ZFHX4: variants seen among roughly 807,000 people sequenced by gnomAD.
ZFHX4 encodes zinc finger homeobox 4.
A neutral mutation model predicts 267.6 loss-of-function variants in ZFHX4; 56 were observed. The observed-to-expected ratio is 0.21, with a 90% CI of 0.17 to 0.26. ZFHX4 has a LOEUF of 0.26. ZFHX4 is among the 10% of genes least tolerant of loss of function. ZFHX4 has a pLI of 1.00. For synonymous variants in ZFHX4, 1,778 were observed against 1,665.6 expected (o/e 1.07, Z -1.64); for missense variants, 4,332 against 4,420.0 (o/e 0.98, Z 0.56).
chr8:76,797,905 T>TGG (rs1811021521), intron 4 of ZFHX4, among the ~76,000 whole-genome samples: 2 of 151,822 alleles, frequency 1.3e-5, no homozygotes, highest in African/African-American at 4.8e-5. Context: ...TGTGTGTGTG[T>TGG]GTGTGTGTGT....
intron 6 of ZFHX4, among the ~76,000 whole-genome samples, chr8:76,844,053 A>T (rs1812304378): frequency 6.6e-6 from 1 of 152,214 alleles, no homozygotes; most frequent in Non-Finnish European, 1.5e-5. Context: ...AAGCAATGTA[A>T]AAAGAAGCCA....
At chr8:76,846,781 G>A (rs1586004305) in intron 6 of ZFHX4, among the ~76,000 whole-genome samples, 1 of 152,054 alleles carries the variant, frequency 6.6e-6, no homozygotes, top group African/African-American at 2.4e-5. Context: ...TTATGGAAAT[G>A]AGTCCATAGC....
intron 3 of ZFHX4, among the ~76,000 whole-genome samples, chr8:76,771,281 T>C (rs552765668): frequency 1.3e-5 from 2 of 152,296 alleles, no homozygotes; most frequent in African/African-American, 4.8e-5. Flanking sequence ...GTTATATTTC[T>C]TCCCTTCATG....
At chr8:76,813,236 A>G (rs1329071838) in intron 4 of ZFHX4, among the ~76,000 whole-genome samples, 2 of 152,152 alleles carry the variant, frequency 1.3e-5, no homozygotes, top group Non-Finnish European at 2.9e-5. Context: ...TTAGTTTTCA[A>G]TCTGTTCTAC....
intron 3 of ZFHX4, among the ~76,000 whole-genome samples, chr8:76,711,637 C>T (rs752485733): frequency 7.2e-5 from 11 of 152,164 alleles, no homozygotes; most frequent in African/African-American, 1.7e-4. Context: ...GATGGATTAA[C>T]GAATCAACTA....
intron 3 of ZFHX4, among the ~76,000 whole-genome samples, chr8:76,711,285 C>G (rs553333944): frequency 6.6e-6 from 1 of 152,212 alleles, no homozygotes; most frequent in South Asian, 2.1e-4. Flanking sequence ...AAGTGCTAAG[C>G]ACTACTAAAT....
At chr8:76,731,341 G>A (rs532774923) in intron 3 of ZFHX4, among the ~76,000 whole-genome samples, 22 of 152,274 alleles carry the variant, frequency 1.4e-4, no homozygotes, top group African/African-American at 5.3e-4. Context: ...TGTTTGGCTC[G>A]ATACTAGCAG....
chr8:76,793,230 G>C (rs1441927635), intron 4 of ZFHX4, among the ~76,000 whole-genome samples: 1 of 152,070 alleles, frequency 6.6e-6, no homozygotes, highest in Non-Finnish European at 1.5e-5. Flanking sequence ...TCTTTGATTA[G>C]GGGTGAAGTT....
At position 76,778,256 on chromosome 8, in the gene ZFHX4, T is replaced by C; in HGVS notation, c.3142T>C (p.Tyr1048His). 3 of 1,613,804 alleles carry C rather than the reference T, an allele frequency of 1.9e-6. No homozygotes were observed. The highest frequency in any genetic ancestry group is 1.7e-6 in the Non-Finnish European group (2 of 1,179,762). ...GAVNPESCYY[Y>H]CAVCDYTTKV... ...AGTGAATCCCGAATCCTGCTATTACTACTGTGCCGTGTGTGATTACACCAC... is the reference window on the plus strand; with the variant it reads ...AGTGAATCCCGAATCCTGCTATTACCACTGTGCCGTGTGTGATTACACCAC... The change falls in exon 4 of 11, where the codon TAC becomes CAC. Residue 1048 changes from tyrosine (Y) to histidine (H), a missense_variant. By Grantham distance (83) the Tyr-to-His change is moderately conservative (BLOSUM62 2). Coordinates refer to ENST00000651372, the MANE Select transcript of ZFHX4 (RefSeq NM_024721.5).
intron 4 of ZFHX4, among the ~76,000 whole-genome samples, chr8:76,796,503 T>C (rs1455711585): frequency 6.6e-6 from 1 of 152,192 alleles, no homozygotes; most frequent in Non-Finnish European, 1.5e-5. Flanking sequence ...GGTCTTTAAA[T>C]GTATGCCAAG....
At chr8:76,798,398 A>C (rs959838180) in intron 4 of ZFHX4, among the ~76,000 whole-genome samples, 1 of 152,170 alleles carries the variant, frequency 6.6e-6, no homozygotes, top group Non-Finnish European at 1.5e-5. Context: ...GGTATTCGGA[A>C]TTGCTCCTGT....
In ZFHX4 at chr8:76,704,600, C is replaced by A. The variant is rs566068035; in HGVS notation, c.512C>A (p.Ala171Glu). 6.9e-5 allele frequency: 111 copies of A among 1,613,976 alleles called. 2 individuals carry two copies. The South Asian group carries it at 1.2e-3, about 17-fold the overall frequency. The part of the protein sequence containing the change: ...FSTAMFLDSL[A>E]SAGEKSDQSA... ...ACAGCGATGTTCCTGGACTCCCTGG[C>A]ATCTGCTGGAGAGAAGAGTGATCAG... is the stretch of plus-strand genomic sequence containing the variant. Residue 171 changes from alanine to glutamate, a missense_variant, in exon 2 of 11, where the codon GCA becomes GAA. Transcript: ENST00000651372.
At chr8:76,838,075 G>A (rs1304010240) in intron 5 of ZFHX4, among the ~76,000 whole-genome samples, 3 of 152,254 alleles carry the variant, frequency 2.0e-5, no homozygotes, top group Middle Eastern at 3.4e-3. Context: ...AGGAAAAGTG[G>A]AATTTACACA....
chr8:76,806,694 A>G (rs940369526), intron 4 of ZFHX4, among the ~76,000 whole-genome samples: 2 of 152,124 alleles, frequency 1.3e-5, no homozygotes, highest in East Asian at 1.9e-4. Context: ...CTTAAAATAT[A>G]TAAATTTTTC....
intron 3 of ZFHX4, among the ~76,000 whole-genome samples, chr8:76,727,405 T>A (rs1003845625): frequency 6.6e-6 from 1 of 152,192 alleles, no homozygotes; most frequent in Admixed American, 6.5e-5. Context: ...TAATATAGAT[T>A]TGCATTATTG....
Position 76,852,080 on chromosome 8 carries a change from C to T in ZFHX4, c.5159C>T (p.Pro1720Leu), listed in dbSNP as rs755498809. 6.2e-7 allele frequency: 1 copy of T among 1,613,938 alleles called. No homozygotes were observed. The highest frequency in any genetic ancestry group is 8.5e-7 in the Non-Finnish European group (1 of 1,179,868). The change falls in exon 10 of 11, where the codon CCT (proline) becomes CTT (leucine). Residue 1720 changes from proline to leucine, a missense_variant. By Grantham distance (98) the Pro-to-Leu change is moderately conservative (BLOSUM62 -3). Coordinates refer to ENST00000651372, the MANE Select transcript of ZFHX4 (RefSeq NM_024721.5). ...QPQFLNPAFL[P>L]HFPMTPEALL... ...CAGTTTCTAAACCCAGCCTTTTTGC[C>T]TCATTTTCCTATGACCCCAGAAGCA...
intron 4 of ZFHX4, among the ~76,000 whole-genome samples, chr8:76,806,798 A>G (rs1423996491): frequency 6.6e-6 from 1 of 151,862 alleles, no homozygotes; most frequent in Non-Finnish European, 1.5e-5. Flanking sequence ...TGTTTTTGTT[A>G]TTTCGGTCCT....
At position 76,741,010 on chromosome 8, in the gene ZFHX4, G is replaced by T. The variant is rs186612157; in HGVS notation, c.3093+32962G>T. ...GGATGAGATTTCCAAGTAAAACCAG[G>T]CATGCATGGAAGTACCTCTACATAG... On this transcript the variant is annotated intron_variant, in intron 3 of 10. Transcript: ENST00000651372. Among the ~76,000 whole-genome samples the T allele has an allele frequency of 7.9e-4, 120 of 152,208 alleles. 1 individual carries two copies. Among genetic ancestry groups the T allele is most frequent in the South Asian group, 1.7e-3 (8 of 4,822 alleles).
intron 1 of ZFHX4, among the ~76,000 whole-genome samples, chr8:76,701,121 A>T (rs939637129): frequency 2.0e-5 from 3 of 152,146 alleles, no homozygotes; most frequent in African/African-American, 7.2e-5. Context: ...TAAGGATCTA[A>T]ATAACTTTTT....
Sources: gnomAD v4.1 joint callset for allele counts (sites outside exome capture counted in the v4.1 genomes callset) on GRCh38, gnomAD v4.1.1 for gene constraint, MANE v1.5 for transcripts, NCBI Gene and HGNC (gene_info 2026-07-23, HGNC 2026-07-21) for gene names.